Variants in ADAMTS2 observed in about 807,000 individuals in gnomAD.
ADAMTS2 encodes the protein A disintegrin and metalloproteinase with thrombospondin motifs 2.
Under a neutral mutation model 123.0 loss-of-function variants are expected in ADAMTS2, and 50 were observed. The observed-to-expected ratio is 0.41, with a 90% CI of 0.32 to 0.51. The LOEUF (loss-of-function observed/expected upper bound fraction) is 0.51. Ranked by LOEUF, ADAMTS2 falls within the 20% of genes least tolerant of loss-of-function variation. The pLI is 0.35. For missense variants in ADAMTS2, 1,494 were observed against 1,705.2 expected, an observed-to-expected ratio of 0.88 and a Z score of 2.18; for synonymous variants, 678 against 695.4, an observed-to-expected ratio of 0.98 and a Z score of 0.39.
chr5:179,151,427 G>A (rs1004820160), intron 10 of ADAMTS2, among the ~76,000 whole-genome samples: 8 of 152,140 alleles, frequency 5.3e-5, no homozygotes, highest in Non-Finnish European at 8.8e-5. Flanking sequence ...GTTTGGGGGC[G>A]TCCTAGGCCT....
chr5:179,339,778 GTGCCCCTCACCCCAC>G, intron 2 of ADAMTS2, among the ~76,000 whole-genome samples: 1 of 152,320 alleles, frequency 6.6e-6, no homozygotes, highest in South Asian at 2.1e-4. Context: ...CAAATCTCAG[GTGCCCCTCACCCCAC>G]TGCACAGTCC....
At position 179,154,041 on chromosome 5, in the gene ADAMTS2, G is replaced by A. The variant is rs1417850265; in HGVS notation, c.1382+8C>T. On this transcript the variant is annotated splice_region_variant and intron_variant, in intron 8 of 21. Coordinates refer to ENST00000251582, the MANE Select transcript of ADAMTS2 (RefSeq NM_014244.5). Reference sequence around the variant, plus strand: ...GGGTCGCCCACGGGGCACATGGGCAGTACTCACTGCAGGTAGCGGCTCAGC... The same window carrying A: ...GGGTCGCCCACGGGGCACATGGGCAATACTCACTGCAGGTAGCGGCTCAGC... The A allele has an allele frequency of 6.3e-7, 1 of 1,598,058 alleles. No homozygotes were observed. The highest frequency in any genetic ancestry group is 8.5e-7 in the Non-Finnish European group (1 of 1,175,562).
intron 7 of ADAMTS2, 115 bp from the exon 8 acceptor site, chr5:179,154,307 GCCCA>G: frequency 6.9e-7 from 1 of 1,453,064 alleles, no homozygotes; most frequent in Non-Finnish European, 9.3e-7. Context: ...CCTGACCTTG[GCCCA>G]CTCTGAGCCG....
chr5:179,344,029 G>C lies in ADAMTS2; in HGVS notation c.272C>G (p.Pro91Arg), dbSNP rs753486711. ...TCCGGGGAAGCTCGGGGTCCGGACC[G>C]GGGCGGCCCTGCGGGCTCGTACCCC... ...RAGVRARRAAPVRTPSFPGGN... is the reference protein window; with the variant it reads ...RAGVRARRAARVRTPSFPGGN... Residue 91 changes from proline (P) to arginine (R), a missense_variant, in exon 2 of 22, where the codon CCG (proline) becomes CGG (arginine). Pro to Arg is a moderately radical substitution (Grantham distance 103, BLOSUM62 -2). Around this residue, in one of 6 missense-constraint regions of ADAMTS2, gnomAD observed 237 missense variants for 233.7 expected, o/e 1.01. Coordinates refer to ENST00000251582, the MANE Select transcript of ADAMTS2 (RefSeq NM_014244.5). 3.7e-6 allele frequency: 6 copies of C among 1,612,458 alleles called. No individual in the cohort carries two copies. Among genetic ancestry groups the C allele is most frequent in the South Asian group, 2.2e-5 (2 of 91,036 alleles).
intron 2 of ADAMTS2, among the ~76,000 whole-genome samples, chr5:179,293,109 G>A (rs1166038526): frequency 4.6e-5 from 7 of 152,322 alleles, no homozygotes; most frequent in Admixed American, 4.6e-4. Flanking sequence ...ACTGGTGTAA[G>A]TGCTAACCTG....
rs1432416036 is a variant in ADAMTS2 at position 179,264,183 on chromosome 5, C to T, written c.688+8728G>A. Among the ~76,000 whole-genome samples, 4 of 152,186 alleles carry T rather than the reference C, an allele frequency of 2.6e-5. No homozygotes were observed. The East Asian group carries it at 5.8e-4, about 22-fold the overall frequency. On this transcript the variant is annotated intron_variant, in intron 3 of 21. Coordinates refer to ENST00000251582, the MANE Select transcript of ADAMTS2 (RefSeq NM_014244.5). The stretch of plus-strand genomic sequence containing the variant: ...AACGCCTCTCACCTGTCGCCCCACC[C>T]CTCTCTATCCCCAAGAGGCCTCTGT...
intron 2 of ADAMTS2, among the ~76,000 whole-genome samples, chr5:179,333,393 C>T (rs1757529092): frequency 6.6e-6 from 1 of 152,184 alleles, no homozygotes; most frequent in Non-Finnish European, 1.5e-5. Flanking sequence ...TCATGCTGTA[C>T]AAAAGACTCT....
At position 179,171,959 on chromosome 5, in the gene ADAMTS2, C is replaced by A. The variant is rs1453773103; in HGVS notation, c.975+9113G>T. On this transcript the variant is annotated intron_variant, in intron 5 of 21. Coordinates refer to ENST00000251582, the MANE Select transcript of ADAMTS2 (RefSeq NM_014244.5). ...CCTCACAACCCAGCACTGCCTCTCCCCTGCCTCCTCAGCTGCGGGTCCACT... is the reference window on the plus strand; with the variant it reads ...CCTCACAACCCAGCACTGCCTCTCCACTGCCTCCTCAGCTGCGGGTCCACT... Among the ~76,000 whole-genome samples the A allele has an allele frequency of 2.0e-5, 3 of 152,302 alleles. No homozygotes were observed. The East Asian group carries it at 5.8e-4, about 30-fold the overall frequency.
At chr5:179,258,196 G>A (rs1209984645) in intron 3 of ADAMTS2, among the ~76,000 whole-genome samples, 1 of 152,178 alleles carries the variant, frequency 6.6e-6, no homozygotes, top group Non-Finnish European at 1.5e-5. Context: ...GCCCATGGCT[G>A]TGGGCTCTGA....
intron 9 of ADAMTS2, among the ~76,000 whole-genome samples, 167 bp from the exon 10 acceptor site, chr5:179,152,422 C>T (rs1763379385): frequency 6.6e-6 from 1 of 152,186 alleles, no homozygotes; most frequent in African/African-American, 2.4e-5. Context: ...AGACCTTGCC[C>T]ATACGGTGTG....
intron 17 of ADAMTS2, 98 bp downstream of exon 17, chr5:179,127,861 T>A: frequency 1.3e-6 from 2 of 1,489,510 alleles, no homozygotes; most frequent in Non-Finnish European, 1.8e-6. Flanking sequence ...CTGTGGCTCC[T>A]CGGCCCCTGC....
rs550888800 is a variant in ADAMTS2, at chr5:179,307,826, G to A, written c.535-34762C>T. 6.6e-6 allele frequency among the ~76,000 whole-genome samples: 1 copy of A among 152,234 alleles called. No homozygotes were observed. The highest frequency in any genetic ancestry group is 2.1e-4 in the South Asian group (1 of 4,806). On this transcript the variant is annotated intron_variant, in intron 2 of 21. Coordinates refer to ENST00000251582, the MANE Select transcript of ADAMTS2 (RefSeq NM_014244.5). The surrounding 1 kb of genome is among the most constrained non-coding windows in gnomAD (Gnocchi z 5.6). Reference sequence around the variant, plus strand: ...CCTCCTCACAAGGACCTTGGTGAAGGGTGTCCCTTCTCCATCACACTCCAC... The same window carrying A: ...CCTCCTCACAAGGACCTTGGTGAAGAGTGTCCCTTCTCCATCACACTCCAC...
rs149618867 is a variant in ADAMTS2 at position 179,286,146 on chromosome 5, G to A, written c.535-13082C>T. Among the ~76,000 whole-genome samples, 1,021 of 151,398 alleles carry A rather than the reference G, an allele frequency of 6.7e-3. 9 individuals are homozygous for A. The highest frequency in any genetic ancestry group is 0.024 in the African/African-American group (972 of 41,212). On this transcript the variant is annotated intron_variant, in intron 2 of 21. Transcript: ENST00000251582. ...TGAGAATCGCTTGAGCCCAGAAGGC[G>A]GAGGTTGCAATGAGCTAAGATCGCA...
chr5:179,263,486 C>T (rs2113493387), intron 3 of ADAMTS2, among the ~76,000 whole-genome samples: 1 of 152,384 alleles, frequency 6.6e-6, no homozygotes. Flanking sequence ...AGCCACCTCT[C>T]CACACAGGCC....
At chr5:179,333,066 C>T (rs1307810463) in intron 2 of ADAMTS2, among the ~76,000 whole-genome samples, 2 of 152,156 alleles carry the variant, frequency 1.3e-5, no homozygotes, top group Admixed American at 6.5e-5. Flanking sequence ...TTCCTTCTGC[C>T]GGGGCTCTGA....
At chr5:179,125,733 C>T (rs565194804) in intron 18 of ADAMTS2, among the ~76,000 whole-genome samples, 8 of 152,372 alleles carry the variant, frequency 5.3e-5, no homozygotes, top group Admixed American at 2.0e-4. Flanking sequence ...GGCCAGGAGG[C>T]GAGCCCTGCG....
intron 3 of ADAMTS2, among the ~76,000 whole-genome samples, chr5:179,208,329 G>A (rs1414362995): frequency 1.3e-5 from 2 of 152,200 alleles, no homozygotes; most frequent in Non-Finnish European, 2.9e-5. Context: ...AGAACTTTCT[G>A]CTAAGTCCTC....
In ADAMTS2 at chr5:179,130,007, C is replaced by G. The variant is rs745407557; in HGVS notation, c.2382G>C (p.Glu794Asp). Residue 794 changes from glutamate (E) to aspartate (D), a missense_variant, in exon 16 of 22, where the codon GAG (glutamate) becomes GAC (aspartate). By Grantham distance (45) the Glu-to-Asp change is conservative. Transcript: ENST00000251582. The surrounding 1 kb of genome is among the most constrained non-coding windows in gnomAD (Gnocchi z 4.3). ...GGCCGTCCTCGTCTCTGTACTCCCA[C>G]TCCACGCCCATGGCAATGAAGGTTT... ...SSKTFIAMGV[E>D]WEYRDEDGRE... 12 of 1,614,054 alleles carry G rather than the reference C, an allele frequency of 7.4e-6. No individual in the cohort carries two copies. The highest frequency in any genetic ancestry group is 1.0e-5 in the Non-Finnish European group (12 of 1,180,052).
rs1765254375 is a variant in ADAMTS2 at position 179,225,267 on chromosome 5, C to T, written c.689-17552G>A. Among the ~76,000 whole-genome samples the T allele has an allele frequency of 6.6e-6, 1 of 152,178 alleles. No individual in the cohort carries two copies. Among genetic ancestry groups the T allele is most frequent in the Non-Finnish European group, 1.5e-5 (1 of 68,044 alleles). Reference sequence around the variant, plus strand: ...TAATTTCCTTAATACATAAAGCGCTCTTACAAATCAACAGGAAACAATCCA... The same window carrying T: ...TAATTTCCTTAATACATAAAGCGCTTTTACAAATCAACAGGAAACAATCCA... On this transcript the variant is annotated intron_variant, in intron 3 of 21. Coordinates refer to ENST00000251582, the MANE Select transcript of ADAMTS2 (RefSeq NM_014244.5). This position sits in a 1 kb window ranked among gnomAD's most constrained non-coding sequence, Gnocchi z 4.5.
Sources: allele counts gnomAD v4.1 joint callset (sites outside exome capture counted in the v4.1 genomes callset), GRCh38; gene constraint gnomAD v4.1.1; regional missense constraint gnomAD v4.1.1; non-coding constraint Gnocchi (gnomAD v3.1); transcripts MANE v1.5; gene names NCBI Gene and HGNC (gene_info 2026-07-23, HGNC 2026-07-21).